The following BACE2 variants were observed in gnomAD, a reference collection of about 807,000 sequenced individuals.
BACE2 encodes beta-secretase 2.
BACE2 carries 17 observed loss-of-function variants against 46.2 expected under a neutral mutation model. That is an observed-to-expected ratio of 0.37 (90% confidence interval 0.25 to 0.55). BACE2 has a LOEUF of 0.55. BACE2 is among the 20% of genes least tolerant of loss of function. BACE2 has a pLI of 0.82. For missense variants in BACE2, 595 were observed against 698.1 expected, an observed-to-expected ratio of 0.85 and a Z score of 1.66; for synonymous variants, 277 against 295.9, an observed-to-expected ratio of 0.94 and a Z score of 0.66.
At chr21:41,243,313 G>C in intron 4 of BACE2, 63 bp from the exon 5 acceptor site, 2 of 1,408,782 alleles carry the variant, frequency 1.4e-6, no homozygotes, top group Non-Finnish European at 1.9e-6. Flanking sequence ...ATGCTTCTCT[G>C]TGTAACCTGT....
intron 1 of BACE2, chr21:41,182,207 A>G (rs941281270): frequency 6.0e-6 from 1 of 167,098 alleles, no homozygotes; most frequent in Non-Finnish European, 1.5e-5. Flanking sequence ...CCAAAGCTTT[A>G]CTGATATTGG....
intron 1 of BACE2, among the ~76,000 whole-genome samples, chr21:41,203,092 C>T (rs545308710): frequency 6.6e-6 from 1 of 152,258 alleles, no homozygotes; most frequent in African/African-American, 2.4e-5. Context: ...GTAGGTGCAA[C>T]AGTCACCAAA....
At chr21:41,262,201 A>G (rs1053735678) in intron 8 of BACE2, among the ~76,000 whole-genome samples, 20 of 152,220 alleles carry the variant, frequency 1.3e-4, no homozygotes, top group Middle Eastern at 3.4e-3. Flanking sequence ...TATCATATTC[A>G]GTTTTATCTA....
rs1193122413 is a variant in BACE2 at position 41,241,770 on chromosome 21, CTA to C, written c.619-48_619-47del. 3.7e-6 allele frequency: 6 copies of C among 1,609,662 alleles called. No individual in the cohort carries two copies. The East Asian group carries it at 1.3e-4, about 36-fold the overall frequency. On this transcript the variant is annotated intron_variant, in intron 3 of 8. Coordinates refer to ENST00000330333, the MANE Select transcript of BACE2 (RefSeq NM_012105.5). ...GGCGTCTACACTGGGTGACCCATGT[CTA>C]CACTGTGAGTCCTAAGCGGGTGCCC...
At chr21:41,211,705 A>C (rs907575569) in intron 1 of BACE2, among the ~76,000 whole-genome samples, 1 of 152,262 alleles carries the variant, frequency 6.6e-6, no homozygotes, top group African/African-American at 2.4e-5. Flanking sequence ...GTGTTAAATG[A>C]GCCATTATTT....
At chr21:41,220,032 A>C (rs1327273180) in intron 1 of BACE2, among the ~76,000 whole-genome samples, 1 of 152,120 alleles carries the variant, frequency 6.6e-6, no homozygotes, top group Non-Finnish European at 1.5e-5. Flanking sequence ...TGTGCTTCTG[A>C]TCGATCGGCT....
Position 41,238,954 on chromosome 21 carries a change from T to TA in BACE2, c.618+1250dup, listed in dbSNP as rs34474586. On this transcript the variant is annotated intron_variant, in intron 3 of 8. Transcript: ENST00000330333. ...TGTACCCTAAAACTTAAAGTATAAT[T>TA]AAAAAAAAAAAAAAAAAAAAAAAAA... Among the ~76,000 whole-genome samples, 210 of 85,678 alleles carry TA rather than the reference T, an allele frequency of 2.5e-3. 1 individual carries two copies. The highest frequency in any genetic ancestry group is 0.014 in the Middle Eastern group (2 of 146). 56.2% of individuals were successfully genotyped at this position (85,678 alleles called of 152,430 possible). A position where few individuals can be genotyped will look rare whatever the true frequency, so the allele number is the denominator to read the frequency against.
intron 8 of BACE2, among the ~76,000 whole-genome samples, chr21:41,269,064 C>T (rs2088407921): frequency 6.6e-6 from 1 of 152,076 alleles, no homozygotes; most frequent in Non-Finnish European, 1.5e-5. Context: ...AAGGGATTCT[C>T]CTGCCTCAGC....
Position 41,257,206 on chromosome 21 carries a change from C to T in BACE2, c.1183C>T (p.Arg395Ter), listed in dbSNP as rs1362072648. 2.5e-6 allele frequency: 4 copies of T among 1,614,178 alleles called. No homozygotes were observed. The highest frequency in any genetic ancestry group is 3.4e-6 in the Non-Finnish European group (4 of 1,180,036). Residue 395 changes from arginine to a stop codon, truncating the protein, a stop_gained, in exon 8 of 9, where the codon CGA (arginine) becomes TGA (stop). Coordinates refer to ENST00000330333, the MANE Select transcript of BACE2 (RefSeq NM_012105.5). LOFTEE classifies it high-confidence loss of function. ...MGAGLNYECY[R>*]FGISPSTNAL... is the part of the protein sequence containing the mutation. Reference sequence around the variant, plus strand: ...GGCCGGCCTGAATTATGAATGTTACCGATTCGGCATTTCCCCATCCACAAA... The same window carrying T: ...GGCCGGCCTGAATTATGAATGTTACTGATTCGGCATTTCCCCATCCACAAA...
chr21:41,248,492 C>G (rs1228794416), intron 6 of BACE2, among the ~76,000 whole-genome samples: 1 of 152,186 alleles, frequency 6.6e-6, no homozygotes, highest in Admixed American at 6.5e-5. Context: ...ACCTGGCCAC[C>G]GAAACTCTTC....
intron 1 of BACE2, among the ~76,000 whole-genome samples, chr21:41,213,288 G>C (rs1225170077): frequency 2.0e-5 from 3 of 152,206 alleles, no homozygotes. Context: ...AGCTGTCAGA[G>C]AGGAGTAAAT....
intron 8 of BACE2, among the ~76,000 whole-genome samples, chr21:41,269,503 ACC>A (rs145821206): frequency 1.5e-3 from 232 of 152,200 alleles, no homozygotes; most frequent in African/African-American, 5.5e-3. Context: ...GGTCCTGTGG[ACC>A]CCATGCCATT....
At position 41,267,809 on chromosome 21, in the gene BACE2, TG is replaced by T. The variant is rs569120663; in HGVS notation, c.1304-7559del. On this transcript the variant is annotated intron_variant, in intron 8 of 8. Transcript: ENST00000330333. ...TGGTTGCAGAAAAAAAATCTGGCTCTGGGTCCAGAACCCCTATCCTGAAACT... is the reference window on the plus strand; with the variant it reads ...TGGTTGCAGAAAAAAAATCTGGCTCTGGTCCAGAACCCCTATCCTGAAACT... 9.8e-5 allele frequency among the ~76,000 whole-genome samples: 15 copies of T among 152,340 alleles called. 1 individual carries two copies. The South Asian group carries it at 2.5e-3, about 25-fold the overall frequency.
chr21:41,255,557 C>A (rs188597786), intron 7 of BACE2, among the ~76,000 whole-genome samples: 2 of 152,266 alleles, frequency 1.3e-5, no homozygotes, highest in Admixed American at 1.3e-4. Flanking sequence ...TCTGTGGGGG[C>A]ACTTCCCGCC....
At chr21:41,214,385 ATAATGG>A (rs1986391488) in intron 1 of BACE2, among the ~76,000 whole-genome samples, 1 of 152,252 alleles carries the variant, frequency 6.6e-6, no homozygotes, top group Admixed American at 6.5e-5. Context: ...TGATGTGTGC[ATAATGG>A]TCATCCCTCT....
At chr21:41,248,164 C>T (rs1307365484) in intron 6 of BACE2, among the ~76,000 whole-genome samples, 5 of 152,150 alleles carry the variant, frequency 3.3e-5, no homozygotes, top group Non-Finnish European at 5.9e-5. Flanking sequence ...CCGCAGTGCC[C>T]GCTTGGCTCA....
Position 41,257,248 on chromosome 21 carries a change from GC to G in BACE2, c.1227del (p.Thr410ArgfsTer2). The G allele has an allele frequency of 6.2e-7, 1 of 1,614,218 alleles. No homozygotes were observed. Among genetic ancestry groups the G allele is most frequent in the Non-Finnish European group, 8.5e-7 (1 of 1,180,040 alleles). On this transcript the variant is annotated frameshift_variant, in exon 8 of 9. Transcript: ENST00000330333. LOFTEE classifies it high-confidence loss of function. The stretch of plus-strand genomic sequence containing the variant: ...ATCCACAAATGCGCTGGTGATCGGT[GC>G]CACGGTGATGGAGGGCTTCTACGTC... Reference protein sequence around the residue: ...SPSTNALVIGATVMEGFYVIF... With the variant: ...SPSTNALVIGXTVMEGFYVIF...
chr21:41,211,200 G>A (rs897863393), intron 1 of BACE2, among the ~76,000 whole-genome samples: 8 of 94,810 alleles, frequency 8.4e-5, no homozygotes, highest in Admixed American at 1.4e-4. Context: ...CACTGCCACC[G>A]TCCACTTGGC....
intron 7 of BACE2, among the ~76,000 whole-genome samples, chr21:41,255,155 A>C (rs768911705): frequency 6.6e-6 from 1 of 152,192 alleles, no homozygotes; most frequent in Non-Finnish European, 1.5e-5. Flanking sequence ...GAGAGGTCTG[A>C]TTTGGGGGGA....
Sources: gnomAD v4.1 joint callset for allele counts (sites outside exome capture counted in the v4.1 genomes callset) on GRCh38, gnomAD v4.1.1 for gene constraint, MANE v1.5 for transcripts, NCBI Gene and HGNC (gene_info 2026-07-23, HGNC 2026-07-21) for gene names.